Variants in ZFP62 observed in about 807,000 individuals in gnomAD.
ZFP62 encodes zinc finger protein 62 homolog.
A neutral mutation model predicts 56.4 loss-of-function variants in ZFP62; 44 were observed. The observed-to-expected ratio is 0.78, with a 90% CI of 0.61 to 1.00. The LOEUF is 1.00. ZFP62 is among the 50% of genes least tolerant of loss of function. The probability of loss-of-function intolerance (pLI) is 0.00; values close to 1 mark genes in which losing one functional copy is unlikely to be tolerated. For missense variants in ZFP62, 1,030 were observed against 1,085.7 expected, an observed-to-expected ratio of 0.95 and a Z score of 0.72; for synonymous variants, 421 against 388.9, an observed-to-expected ratio of 1.08 and a Z score of -0.97.
At position 180,848,142 on chromosome 5, in the gene ZFP62, AT is replaced by A. The variant is rs1773483798; in HGVS notation, c.*649del. Reference sequence around the variant, plus strand: ...CACAATAGTACGTTCATCAATTTGCATTTTTTATGAGTGACTCTCTCCTATC... The same window carrying A: ...CACAATAGTACGTTCATCAATTTGCATTTTTATGAGTGACTCTCTCCTATC... On this transcript the variant is annotated 3_prime_UTR_variant, in exon 2 of 2. Coordinates refer to ENST00000502412, the MANE Select transcript of ZFP62 (RefSeq NM_001172638.2). 1 of 985,286 alleles carries A rather than the reference AT, an allele frequency of 1.0e-6. No homozygotes were observed. The highest frequency in any genetic ancestry group is 4.7e-5 in the South Asian group (1 of 21,286). 61.0% of individuals were successfully genotyped at this position (985,286 alleles called of 1,614,324 possible). A position where few individuals can be genotyped will look rare whatever the true frequency, so the allele number is the denominator to read the frequency against.
chr5:180,843,699 T>C (rs562384778), downstream of ZFP62, among the ~76,000 whole-genome samples: 2 of 152,330 alleles, frequency 1.3e-5, no homozygotes, highest in East Asian at 3.9e-4. Flanking sequence ...AACTCAACAA[T>C]TGTCTCATTA....
At chr5:180,846,228 G>C (rs376920772), downstream of ZFP62, among the ~76,000 whole-genome samples, 1 of 152,138 alleles carries the variant, frequency 6.6e-6, no homozygotes, top group African/African-American at 2.4e-5. Context: ...TGGAGCATGC[G>C]AGTAGATGGG....
downstream of ZFP62, among the ~76,000 whole-genome samples, chr5:180,843,481 G>C (rs185416496): frequency 6.6e-6 from 1 of 151,964 alleles, no homozygotes; most frequent in East Asian, 1.9e-4. Flanking sequence ...TACAGAAAGC[G>C]TGAAAGTAAA....
intron 1 of ZFP62, 68 bp downstream of exon 1, chr5:180,861,151 C>T: frequency 1.0e-5 from 4 of 398,754 alleles, no homozygotes. Flanking sequence ...CAAGACCCGG[C>T]CAAAAAGGGG....
chr5:180,829,132 C>T, the ZFP62 span, among the ~76,000 whole-genome samples: 2 of 152,214 alleles, frequency 1.3e-5, no homozygotes, highest in Non-Finnish European at 2.9e-5. Context: ...AGACCCTTAT[C>T]AGGAGTTCTG....
chr5:180,826,979 T>C, the ZFP62 span, among the ~76,000 whole-genome samples: 2 of 152,188 alleles, frequency 1.3e-5, no homozygotes, highest in Admixed American at 6.5e-5. Flanking sequence ...CTTCCATAAA[T>C]TGAGTGCTGG....
At chr5:180,841,947 GAGGCGTAAGAATTGCTTGAACCTGGA>G in the ZFP62 span, among the ~76,000 whole-genome samples, 1 of 152,172 alleles carries the variant, frequency 6.6e-6, no homozygotes, top group African/African-American at 2.4e-5. Context: ...AGTTACATGG[GAGGCGTAAGAATTGCTTGAACCTGGA>G]AGGCAGAGGT....
At chr5:180,851,847 A>G (rs1773728094) in intron 1 of ZFP62, 1 of 257,832 alleles carries the variant, frequency 3.9e-6, no homozygotes, top group African/African-American at 2.3e-5. Context: ...ATGGAAAAAC[A>G]AACAAGAGGG....
intron 1 of ZFP62, among the ~76,000 whole-genome samples, chr5:180,852,709 G>C (rs1192626722): frequency 1.3e-5 from 2 of 152,108 alleles, no homozygotes; most frequent in Non-Finnish European, 2.9e-5. Context: ...TATAGAGGAA[G>C]CTTTCTAATG....
chr5:180,855,074 C>T lies in ZFP62; in HGVS notation c.2-3581G>A, dbSNP rs1264598084. 2.0e-5 allele frequency among the ~76,000 whole-genome samples: 3 copies of T among 152,160 alleles called. No individual in the cohort carries two copies. The East Asian group carries it at 5.8e-4, about 29-fold the overall frequency. The stretch of plus-strand genomic sequence containing the variant: ...TATCCCAATCCTTAGGAAATATACG[C>T]TGAAGTATTTAGGGATAAAGGGCCA... On this transcript the variant is annotated intron_variant, in intron 1 of 1. Transcript: ENST00000502412.
intron 1 of ZFP62, among the ~76,000 whole-genome samples, chr5:180,857,923 C>T (rs1774074836): frequency 6.6e-6 from 1 of 151,346 alleles, no homozygotes; most frequent in Admixed American, 6.6e-5. Flanking sequence ...CTGATAATTG[C>T]TGAATCCAAG....
At chr5:180,858,922 C>T (rs1289009716) in intron 1 of ZFP62, among the ~76,000 whole-genome samples, 4 of 152,204 alleles carry the variant, frequency 2.6e-5, no homozygotes, top group Admixed American at 1.3e-4. Flanking sequence ...AGACATAGAA[C>T]GCCACCCACT....
intron 1 of ZFP62, among the ~76,000 whole-genome samples, chr5:180,856,443 A>T (rs571040671): frequency 1.2e-4 from 19 of 152,332 alleles, no homozygotes; most frequent in African/African-American, 4.3e-4. Flanking sequence ...AAGGATAATT[A>T]AGTTATCCTT....
chr5:180,835,558 A>G, the ZFP62 span: 5 of 152,224 alleles, frequency 3.3e-5, no homozygotes, highest in Admixed American at 6.5e-5. Flanking sequence ...TGATATTTAC[A>G]TATCAATGTG....
At chr5:180,859,681 G>C (rs1774203507) in intron 1 of ZFP62, among the ~76,000 whole-genome samples, 1 of 152,254 alleles carries the variant, frequency 6.6e-6, no homozygotes, top group East Asian at 1.9e-4. Context: ...GCAGGGACTG[G>C]CTTGGAGTCA....
In ZFP62 at chr5:180,849,950, G is replaced by GT; in HGVS notation, c.1544dup (p.Asn515LysfsTer7). The GT allele has an allele frequency of 6.4e-7, 1 of 1,551,306 alleles. No homozygotes were observed. Among genetic ancestry groups the GT allele is most frequent in the Non-Finnish European group, 8.7e-7 (1 of 1,146,888 alleles). ...TATGCTGTTCAAGGGCAGAGCTGTA[G>GT]TTGAAGGATTTCTCACAATAGCTAC... On this transcript the variant is annotated frameshift_variant, in exon 2 of 2. Transcript: ENST00000502412. LOFTEE classifies it high-confidence loss of function.
Position 180,848,126 on chromosome 5 carries a change from A to G in ZFP62, c.*666T>C, listed in dbSNP as rs1462247357. On this transcript the variant is annotated 3_prime_UTR_variant, in exon 2 of 2. Coordinates refer to ENST00000502412, the MANE Select transcript of ZFP62 (RefSeq NM_001172638.2). ...CATTCAACTAATGTATCACAATAGT[A>G]CGTTCATCAATTTGCATTTTTTATG... is the stretch of plus-strand genomic sequence containing the variant. 1.0e-6 allele frequency: 1 copy of G among 984,878 alleles called. No homozygotes were observed. The highest frequency in any genetic ancestry group is 1.1e-4 in the East Asian group (1 of 8,828). The allele number at this position is 984,878 out of a possible 1,614,324, so 61.0% of individuals were successfully genotyped here.
At chr5:180,845,673 AG>A, downstream of ZFP62, 1 of 983,238 alleles carries the variant, frequency 1.0e-6, no homozygotes, top group Non-Finnish European at 1.2e-6. Context: ...TCCCCAGCCC[AG>A]GAACTCCTTG....
the ZFP62 span, among the ~76,000 whole-genome samples, chr5:180,827,539 AC>A: frequency 6.6e-6 from 1 of 152,212 alleles, no homozygotes; most frequent in Non-Finnish European, 1.5e-5. Context: ...AATCTCAAGT[AC>A]CCAGGGACAC....
Sources: gnomAD v4.1 joint callset for allele counts (sites outside exome capture counted in the v4.1 genomes callset) on GRCh38, gnomAD v4.1.1 for gene constraint, MANE v1.5 for transcripts, NCBI Gene and HGNC (gene_info 2026-07-23, HGNC 2026-07-21) for gene names.